MERTK: variants seen among roughly 807,000 people sequenced by gnomAD.
MERTK encodes tyrosine-protein kinase Mer.
MERTK carries 69 observed loss-of-function variants against 99.3 expected under a neutral mutation model. The ratio of observed to expected loss-of-function variants is 0.70; its 90% CI spans 0.57 to 0.85. The LOEUF (loss-of-function observed/expected upper bound fraction) is 0.85. Among genes scored for constraint, MERTK ranks in the 40% least tolerant of loss-of-function variants. The pLI, the probability that MERTK is intolerant of heterozygous loss-of-function variation, is 0.00. For missense variants in MERTK, 1,125 were observed against 1,249.4 expected (o/e 0.90, Z 1.50); for synonymous variants, 426 against 467.6 (o/e 0.91, Z 1.15).
intron 7 of MERTK, among the ~76,000 whole-genome samples, chr2:111,982,129 G>A (rs1676386322): frequency 1.3e-5 from 2 of 151,070 alleles, no homozygotes; most frequent in East Asian, 1.9e-4. Context: ...GTGCAATTAC[G>A]GCTCACTGTG....
At chr2:111,917,283 C>T (rs368118963) in intron 1 of MERTK, among the ~76,000 whole-genome samples, 17 of 152,156 alleles carry the variant, frequency 1.1e-4, no homozygotes, top group South Asian at 4.1e-4. Context: ...TTTCTGACGC[C>T]ACCCTGGAGG....
chr2:111,909,237 A>G (rs1482501108), intron 1 of MERTK, among the ~76,000 whole-genome samples: 1 of 152,180 alleles, frequency 6.6e-6, no homozygotes, highest in East Asian at 1.9e-4. Context: ...CCTCTGTAAC[A>G]ACTGTTTCAG....
intron 15 of MERTK, 123 bp from the exon 16 acceptor site, chr2:112,019,290 T>C: frequency 3.7e-6 from 3 of 807,954 alleles, no homozygotes; most frequent in Middle Eastern, 2.2e-4. Context: ...ATAAAAGATT[T>C]GTTTCCTTAT....
At chr2:111,922,413 G>A (rs191687575) in intron 1 of MERTK, among the ~76,000 whole-genome samples, 41 of 152,310 alleles carry the variant, frequency 2.7e-4, no homozygotes, top group African/African-American at 7.2e-4. Flanking sequence ...AGAGCCCTTC[G>A]CATCCCAAGC....
At chr2:111,949,941 T>C (rs904383117) in intron 4 of MERTK, among the ~76,000 whole-genome samples, 5 of 152,162 alleles carry the variant, frequency 3.3e-5, no homozygotes, top group Admixed American at 6.5e-5. Flanking sequence ...TCATCTTTAT[T>C]TTTATTTTTA....
chr2:111,908,442 C>A (rs1466434009), intron 1 of MERTK, among the ~76,000 whole-genome samples: 1 of 152,122 alleles, frequency 6.6e-6, no homozygotes, highest in African/African-American at 2.4e-5. Flanking sequence ...CAGTGGAAGT[C>A]CCCGGTCGTT....
intron 18 of MERTK, among the ~76,000 whole-genome samples, chr2:112,024,525 G>T (rs1021966690): frequency 6.6e-6 from 1 of 152,182 alleles, no homozygotes; most frequent in East Asian, 1.9e-4. Flanking sequence ...CTGTGGCCTC[G>T]GGGCCCCTGT....
intron 2 of MERTK, among the ~76,000 whole-genome samples, chr2:111,936,548 C>G (rs1293627990): frequency 6.6e-6 from 1 of 152,186 alleles, no homozygotes; most frequent in Non-Finnish European, 1.5e-5. Context: ...AATAATCTCC[C>G]TCTTTTTTTC....
intron 9 of MERTK, chr2:111,996,373 G>T (rs13003919): frequency 1.3e-5 from 2 of 153,378 alleles, no homozygotes; most frequent in Non-Finnish European, 1.5e-5. Flanking sequence ...TCTTTCAAAG[G>T]CTGTTGTGAT....
At chr2:112,013,194 C>T in intron 15 of MERTK, 1 of 154,130 alleles carries the variant, frequency 6.5e-6, no homozygotes, top group Middle Eastern at 5.4e-4. Flanking sequence ...AACATGAGTA[C>T]TAACCGTAGA....
chr2:112,020,300 T>C (rs552357199), intron 16 of MERTK, among the ~76,000 whole-genome samples: 2 of 152,228 alleles, frequency 1.3e-5, no homozygotes, highest in East Asian at 3.9e-4. Flanking sequence ...GGAGGGAGAA[T>C]CATGAAAACT....
At chr2:111,944,498 A>C (rs199504564) in intron 2 of MERTK, among the ~76,000 whole-genome samples, 2 of 1,812 alleles carry the variant, frequency 1.1e-3, no homozygotes, top group Non-Finnish European at 2.6e-3. Context: ...CTAAATTATG[A>C]ATTCCTTAAA....
intron 4 of MERTK, among the ~76,000 whole-genome samples, chr2:111,960,563 T>C (rs1404407096): frequency 6.6e-6 from 1 of 152,010 alleles, no homozygotes; most frequent in East Asian, 1.9e-4. Context: ...GTTGTACTTA[T>C]GTTTAAGAAT....
At chr2:111,988,743 C>T (rs528715741) in intron 8 of MERTK, among the ~76,000 whole-genome samples, 1 of 152,246 alleles carries the variant, frequency 6.6e-6, no homozygotes, top group African/African-American at 2.4e-5. Flanking sequence ...GTTAGGAGTT[C>T]GACGAGACCA....
In MERTK at chr2:111,964,402, C is replaced by T. The variant is rs200535672; in HGVS notation, c.758-789C>T. ...GTGTGTGTGTGTGTGTGTGTGTGCG[C>T]GCGCGCACGCGCATGTGTGTGTGTG... On this transcript the variant is annotated intron_variant, in intron 4 of 18. Coordinates refer to ENST00000295408, the MANE Select transcript of MERTK (RefSeq NM_006343.3). Among the ~76,000 whole-genome samples the T allele has an allele frequency of 3.8e-3, 473 of 125,870 alleles. 1 individual carries two copies. Among genetic ancestry groups the T allele is most frequent in the African/African-American group, 0.012 (443 of 36,570 alleles). The allele number at this position is 125,870 out of a possible 152,430, so 82.6% of individuals were successfully genotyped here.
rs375163842 is a variant in MERTK, at chr2:112,028,652, A to G, written c.2788A>G (p.Ile930Val). Residue 930 changes from isoleucine to valine, a missense_variant, in exon 19 of 19, where the codon ATC becomes GTC. By Grantham distance (29) the Ile-to-Val change is conservative. Transcript: ENST00000295408. ...HDSKPHEGRY[I>V]LNGGSEEWED... The stretch of plus-strand genomic sequence containing the variant: ...CAGCAAACCTCATGAAGGACGGTAC[A>G]TCCTGAATGGGGGCAGTGAGGAATG... The G allele has an allele frequency of 4.3e-6, 7 of 1,614,196 alleles. No homozygotes were observed. The highest frequency in any genetic ancestry group is 5.1e-6 in the Non-Finnish European group (6 of 1,180,034).
intron 7 of MERTK, among the ~76,000 whole-genome samples, chr2:111,980,446 T>G (rs1676347529): frequency 7.5e-6 from 1 of 133,256 alleles, no homozygotes; most frequent in Non-Finnish European, 1.5e-5. Flanking sequence ...TGAGACGGAG[T>G]CTCGCTCTTT....
intron 8 of MERTK, among the ~76,000 whole-genome samples, chr2:111,991,321 G>A (rs978399080): frequency 1.3e-5 from 2 of 152,134 alleles, no homozygotes; most frequent in Admixed American, 6.6e-5. Flanking sequence ...CGTGTCCTGG[G>A]TTAACGCTTT....
intron 2 of MERTK, among the ~76,000 whole-genome samples, chr2:111,932,572 G>A (rs1396077645): frequency 1.3e-5 from 2 of 152,136 alleles, no homozygotes; most frequent in Non-Finnish European, 2.9e-5. Flanking sequence ...TAATGTTCAG[G>A]GGCACAGTAG....
Sources: allele counts gnomAD v4.1 joint callset (sites outside exome capture counted in the v4.1 genomes callset), GRCh38; gene constraint gnomAD v4.1.1; transcripts MANE v1.5; gene names NCBI Gene and HGNC (gene_info 2026-07-23, HGNC 2026-07-21).